The following CSMD1 variants were observed in gnomAD, a reference collection of about 807,000 sequenced individuals.
CSMD1 encodes the protein CUB and Sushi multiple domains 1.
Under a neutral mutation model 417.5 loss-of-function variants are expected in CSMD1, and 213 were observed. The ratio of observed to expected loss-of-function variants is 0.51; its 90% CI spans 0.46 to 0.57. The LOEUF (loss-of-function observed/expected upper bound fraction) is 0.57, where lower values mean the gene tolerates loss of function less well. CSMD1 is among the 20% of genes least tolerant of loss of function. The pLI is 0.00. For synonymous variants in CSMD1, 2,862 were observed against 1,736.8 expected (o/e 1.65, Z -16.11); for missense variants, 6,923 against 4,529.7 (o/e 1.53, Z -15.17).
chr8:3,551,177 C>A (rs931291742), intron 10 of CSMD1, among the ~76,000 whole-genome samples: 1 of 152,096 alleles, frequency 6.6e-6, no homozygotes. Flanking sequence ...TGGCATAGGG[C>A]GTTCAAAGAT....
intron 49 of CSMD1, among the ~76,000 whole-genome samples, chr8:3,065,638 T>C (rs1470039357): frequency 1.3e-5 from 2 of 152,082 alleles, no homozygotes; most frequent in Non-Finnish European, 2.9e-5. Flanking sequence ...GATAGATTGA[T>C]AGATAAAAAA....
intron 36 of CSMD1, among the ~76,000 whole-genome samples, chr8:3,182,578 CTGTGTGTG>C (rs35090952): frequency 0.082 from 7,584 of 93,040 alleles, 315 homozygotes; most frequent in African/African-American, 0.13. Flanking sequence ...TTATAAGAAG[CTGTGTGTG>C]TGTGTGTGTG....
intron 3 of CSMD1, among the ~76,000 whole-genome samples, chr8:4,328,546 A>G (rs1799688197): frequency 2.0e-5 from 3 of 152,134 alleles, no homozygotes; most frequent in Non-Finnish European, 4.4e-5. Flanking sequence ...CTATAAATAT[A>G]CACACTATGT....
chr8:4,714,636 GC>G (rs1388620305), intron 1 of CSMD1, among the ~76,000 whole-genome samples: 3 of 36,706 alleles, frequency 8.2e-5, no homozygotes, highest in African/African-American at 3.4e-4. Flanking sequence ...AAAAACACAG[GC>G]CCTTTCCCCA....
intron 3 of CSMD1, among the ~76,000 whole-genome samples, chr8:4,384,752 A>G (rs1248830181): frequency 2.0e-5 from 3 of 152,196 alleles, no homozygotes; most frequent in Admixed American, 1.3e-4. Context: ...GCCACTTCAC[A>G]TCAGCAATTC....
Position 4,411,675 on chromosome 8 carries a change from C to T in CSMD1, c.415+8278G>A, listed in dbSNP as rs545450779. On this transcript the variant is annotated intron_variant, in intron 3 of 69. Coordinates refer to ENST00000635120, the MANE Select transcript of CSMD1 (RefSeq NM_033225.6). The stretch of plus-strand genomic sequence containing the variant: ...AATTTATTTTCACAATTCACATTTT[C>T]TCCTACACGTTTCTGAATGCTCACG... Among the ~76,000 whole-genome samples the T allele has an allele frequency of 7.2e-5, 11 of 152,290 alleles. No individual in the cohort carries two copies. In the East Asian group the frequency reaches 2.1e-3, roughly 29 times the overall value.
At chr8:4,783,662 G>C (rs955230858) in intron 1 of CSMD1, among the ~76,000 whole-genome samples, 1 of 152,170 alleles carries the variant, frequency 6.6e-6, no homozygotes, top group Non-Finnish European at 1.5e-5. Flanking sequence ...TCATGAACAG[G>C]CTGAAGCCAG....
intron 6 of CSMD1, among the ~76,000 whole-genome samples, chr8:3,712,244 C>A (rs73185371): frequency 0.33 from 49,981 of 151,724 alleles, 8,415 homozygotes; most frequent in East Asian, 0.49. Flanking sequence ...AGGGTCCACC[C>A]GGTGTCTGGA....
chr8:3,766,385 C>T (rs1453212227), intron 5 of CSMD1, among the ~76,000 whole-genome samples: 2 of 152,164 alleles, frequency 1.3e-5, no homozygotes, highest in African/African-American at 2.4e-5. Flanking sequence ...ACGAAACCTC[C>T]AAGTGCCTGT....
chr8:3,008,725 C>G (rs1378846299), intron 52 of CSMD1, among the ~76,000 whole-genome samples: 1 of 152,148 alleles, frequency 6.6e-6, no homozygotes, highest in Non-Finnish European at 1.5e-5. Context: ...CTTTGTTTAG[C>G]TATCCGTACT....
At position 4,625,889 on chromosome 8, in the gene CSMD1, A is replaced by C. The variant is rs61616511; in HGVS notation, c.302+11453T>G. Among the ~76,000 whole-genome samples the C allele has an allele frequency of 4.0e-3, 614 of 151,984 alleles. 9 individuals are homozygous for C. Among genetic ancestry groups the C allele is most frequent in the African/African-American group, 0.014 (593 of 41,442 alleles). On this transcript the variant is annotated intron_variant, in intron 2 of 69. Transcript: ENST00000635120. ...CAGGTACACACCCCCACGCCTGGCT[A>C]ATTGTTGTATTTTTGGTAGAGACGG...
chr8:4,530,950 C>T (rs1796786973), intron 2 of CSMD1, among the ~76,000 whole-genome samples: 1 of 152,018 alleles, frequency 6.6e-6, no homozygotes, highest in Non-Finnish European at 1.5e-5. Flanking sequence ...AAAGACAGAC[C>T]TAGTATCTGA....
intron 5 of CSMD1, among the ~76,000 whole-genome samples, chr8:3,975,327 G>T (rs149868271): frequency 6.6e-6 from 1 of 152,020 alleles, no homozygotes; most frequent in Non-Finnish European, 1.5e-5. Flanking sequence ...GAACAGTTTG[G>T]ATGTTTGTGG....
At chr8:3,044,823 T>C (rs569925696) in intron 50 of CSMD1, among the ~76,000 whole-genome samples, 1 of 152,214 alleles carries the variant, frequency 6.6e-6, no homozygotes, top group African/African-American at 2.4e-5. Context: ...TGAGATTCAG[T>C]GTACTGATCT....
chr8:3,220,504 T>C (rs1392996764), intron 28 of CSMD1, among the ~76,000 whole-genome samples: 1 of 152,174 alleles, frequency 6.6e-6, no homozygotes, highest in Non-Finnish European at 1.5e-5. Context: ...GATCTTGATA[T>C]GACCAGAATA....
At chr8:3,946,774 C>G (rs1042046882) in intron 5 of CSMD1, among the ~76,000 whole-genome samples, 1 of 152,076 alleles carries the variant, frequency 6.6e-6, no homozygotes, top group Non-Finnish European at 1.5e-5. Context: ...AGCATGCAGT[C>G]TTGCATGTAT....
intron 54 of CSMD1, among the ~76,000 whole-genome samples, chr8:2,980,591 T>A (rs1488456609): frequency 6.6e-6 from 1 of 151,078 alleles, no homozygotes; most frequent in African/African-American, 2.5e-5. Context: ...CAGGATCCAG[T>A]CACACCCTTC....
At chr8:4,968,819 C>T (rs1810051118) in intron 1 of CSMD1, among the ~76,000 whole-genome samples, 1 of 152,074 alleles carries the variant, frequency 6.6e-6, no homozygotes, top group Non-Finnish European at 1.5e-5. Flanking sequence ...TCTCTTCTGC[C>T]ATTTCCCAAC....
At chr8:3,159,734 AAC>A (rs1819764344) in intron 38 of CSMD1, among the ~76,000 whole-genome samples, 2 of 152,224 alleles carry the variant, frequency 1.3e-5, no homozygotes, top group Non-Finnish European at 2.9e-5. Flanking sequence ...GCATTTGAAA[AAC>A]AGAGCTAATA....
Sources: gnomAD v4.1 joint callset for allele counts (sites outside exome capture counted in the v4.1 genomes callset) on GRCh38, gnomAD v4.1.1 for gene constraint, MANE v1.5 for transcripts, NCBI Gene and HGNC (gene_info 2026-07-23, HGNC 2026-07-21) for gene names.